The following NEGR1 variants were observed in gnomAD, a reference collection of about 807,000 sequenced individuals.
NEGR1 encodes neuronal growth regulator 1, also known as IgLON family member 4.
NEGR1 carries 10 observed loss-of-function variants against 40.9 expected under a neutral mutation model. The ratio of observed to expected loss-of-function variants is 0.24; its 90% confidence interval spans 0.15 to 0.42. The LOEUF is 0.42. Ranked by LOEUF, NEGR1 falls within the 10% of genes least tolerant of loss-of-function variation. The pLI, the probability that NEGR1 is intolerant of heterozygous loss-of-function variation, is 1.00. For missense variants in NEGR1, 352 were observed against 438.9 expected (o/e 0.80, Z 1.77); for synonymous variants, 185 against 166.8 (o/e 1.11, Z -0.84).
intron 6 of NEGR1, among the ~76,000 whole-genome samples, chr1:71,551,096 C>T (rs1237974855): frequency 1.3e-5 from 2 of 151,456 alleles, no homozygotes; most frequent in African/African-American, 4.8e-5. Flanking sequence ...ATTGCATATT[C>T]CATCGGGATT....
rs535903473 is a variant in NEGR1, at chr1:71,900,923, T to C, written c.409+34156A>G. Among the ~76,000 whole-genome samples, 240 of 152,214 alleles carry C rather than the reference T, an allele frequency of 1.6e-3. 1 individual carries two copies. Among genetic ancestry groups the C allele is most frequent in the African/African-American group, 5.6e-3 (234 of 41,546 alleles). ...TACAAGATAAAACAGTAATAGAAAA[T>C]ACATCATCACCATCGCCATCATCAT... On this transcript the variant is annotated intron_variant, in intron 2 of 6. Transcript: ENST00000357731.
At chr1:71,522,939 T>A (rs973269825) in intron 6 of NEGR1, among the ~76,000 whole-genome samples, 1 of 151,946 alleles carries the variant, frequency 6.6e-6, no homozygotes, top group East Asian at 1.9e-4. Flanking sequence ...ATCAGAGGCA[T>A]AAAGTCCTCT....
intron 2 of NEGR1, chr1:71,798,341 G>T (rs1657416323): frequency 6.6e-6 from 1 of 151,922 alleles, no homozygotes; most frequent in Non-Finnish European, 1.5e-5. Flanking sequence ...AGAAATAAAA[G>T]ATACAGAGGT....
chr1:71,498,027 A>T (rs1475013344), intron 6 of NEGR1, among the ~76,000 whole-genome samples: 1 of 151,738 alleles, frequency 6.6e-6, no homozygotes, highest in African/African-American at 2.4e-5. Flanking sequence ...ATCACCAAAA[A>T]CTCAACATGA....
chr1:72,219,752 G>C (rs1653949294), intron 1 of NEGR1, among the ~76,000 whole-genome samples: 1 of 151,996 alleles, frequency 6.6e-6, no homozygotes, highest in Admixed American at 6.6e-5. Flanking sequence ...TTATGATTAG[G>C]TTAATGCTGA....
intron 1 of NEGR1, among the ~76,000 whole-genome samples, chr1:72,257,827 C>G (rs2100540952): frequency 6.7e-6 from 1 of 148,486 alleles, no homozygotes; most frequent in Middle Eastern, 3.4e-3. Flanking sequence ...ATCTTAAATT[C>G]ATAAAGAATG....
intron 1 of NEGR1, among the ~76,000 whole-genome samples, chr1:72,230,759 T>A: frequency 6.6e-6 from 1 of 152,162 alleles, no homozygotes; most frequent in Admixed American, 6.6e-5. Flanking sequence ...ATGTCCAACA[T>A]CCTGTCAACC....
At chr1:72,270,499 T>C (rs753049422) in intron 1 of NEGR1, among the ~76,000 whole-genome samples, 2 of 152,006 alleles carry the variant, frequency 1.3e-5, no homozygotes, top group Middle Eastern at 3.4e-3. Flanking sequence ...TAATCCTCAA[T>C]AATTATTTGC....
At chr1:71,732,492 C>CTGTGTGTGTGTG (rs141925137) in intron 3 of NEGR1, among the ~76,000 whole-genome samples, 102 of 147,220 alleles carry the variant, frequency 6.9e-4, no homozygotes, top group Non-Finnish European at 2.4e-4. Context: ...TTACTGAATG[C>CTGTGTGTGTGTG]TGTGTGTGTG....
At chr1:72,064,174 T>C (rs1187116711) in intron 1 of NEGR1, among the ~76,000 whole-genome samples, 1 of 151,946 alleles carries the variant, frequency 6.6e-6, no homozygotes, top group Non-Finnish European at 1.5e-5. Context: ...GGTAATTAGG[T>C]CTGTGTCATT....
Position 71,731,160 on chromosome 1 carries a change from C to G in NEGR1, c.536-33021G>C, listed in dbSNP as rs553668217. ...TTATCATTCTTATTAACAACATATT[C>G]TAGGTCCAGAAGGTAAATTTTACAT... is the stretch of plus-strand genomic sequence containing the variant. On this transcript the variant is annotated intron_variant, in intron 3 of 6. Coordinates refer to ENST00000357731, the MANE Select transcript of NEGR1 (RefSeq NM_173808.3). Among the ~76,000 whole-genome samples, 469 of 152,144 alleles carry G rather than the reference C, an allele frequency of 3.1e-3. 7 individuals are homozygous for G. The highest frequency in any genetic ancestry group is 0.011 in the African/African-American group (450 of 41,510).
intron 4 of NEGR1, among the ~76,000 whole-genome samples, chr1:71,642,861 T>C (rs546268887): frequency 6.6e-6 from 1 of 152,116 alleles, no homozygotes; most frequent in African/African-American, 2.4e-5. Flanking sequence ...GTCTTTCTTT[T>C]TCTGAGAGCT....
intron 1 of NEGR1, among the ~76,000 whole-genome samples, chr1:72,194,192 G>A (rs1357598139): frequency 1.3e-5 from 2 of 151,692 alleles, no homozygotes; most frequent in Non-Finnish European, 2.9e-5. Context: ...TTACTTCTCT[G>A]TGTATGTGAA....
intron 2 of NEGR1, among the ~76,000 whole-genome samples, chr1:71,903,432 CAA>C (rs960648043): frequency 3.9e-5 from 6 of 151,944 alleles, no homozygotes; most frequent in Admixed American, 6.6e-5. Context: ...CCAAAGTTGA[CAA>C]AAGAGTTGTA....
intron 4 of NEGR1, among the ~76,000 whole-genome samples, chr1:71,624,259 C>G (rs199781608): frequency 6.6e-6 from 1 of 151,896 alleles, no homozygotes; most frequent in African/African-American, 2.4e-5. Flanking sequence ...AAATCTTATA[C>G]TTCTCATCAC....
chr1:71,711,341 CA>C (rs59376519), intron 3 of NEGR1, among the ~76,000 whole-genome samples: 234 of 58,688 alleles, frequency 4.0e-3, no homozygotes, highest in African/African-American at 0.016. Flanking sequence ...GAGATTCCAC[CA>C]AAAAAAAAAA....
chr1:71,609,062 A>T (rs1007944105), intron 5 of NEGR1, among the ~76,000 whole-genome samples: 4 of 152,208 alleles, frequency 2.6e-5, no homozygotes, highest in Non-Finnish European at 5.9e-5. Flanking sequence ...TTCTCAATAT[A>T]TAAAAATATG....
intron 2 of NEGR1, among the ~76,000 whole-genome samples, chr1:71,808,732 T>C (rs182721290): frequency 6.6e-6 from 1 of 152,220 alleles, no homozygotes; most frequent in African/African-American, 2.4e-5. Context: ...ATATTCTTAT[T>C]TCAGAAAAAA....
chr1:71,469,601 A>C (rs949230328), intron 6 of NEGR1, among the ~76,000 whole-genome samples: 4 of 152,202 alleles, frequency 2.6e-5, no homozygotes, highest in African/African-American at 9.6e-5. Flanking sequence ...TCTCAGACCC[A>C]GCTGAGACCT....
Sources: allele counts gnomAD v4.1 joint callset (sites outside exome capture counted in the v4.1 genomes callset), GRCh38; gene constraint gnomAD v4.1.1; transcripts MANE v1.5; gene names NCBI Gene and HGNC (gene_info 2026-07-23, HGNC 2026-07-21).